ANKRD55: variants seen among roughly 807,000 people sequenced by gnomAD.
The protein encoded by ANKRD55 is ankyrin repeat domain-containing protein 55.
In ANKRD55, 41 loss-of-function variants were observed where a neutral mutation model predicts 60.6. The ratio of observed to expected loss-of-function variants is 0.68; its 90% CI spans 0.53 to 0.88. The LOEUF is 0.88. Among genes scored for constraint, ANKRD55 ranks in the 40% least tolerant of loss-of-function variants. The probability of loss-of-function intolerance (pLI) is 0.00; values close to 1 mark genes in which losing one functional copy is unlikely to be tolerated. For synonymous variants in ANKRD55, 264 were observed against 290.3 expected (o/e 0.91, Z 0.92); for missense variants, 732 against 767.6 (o/e 0.95, Z 0.55).
At position 56,099,986 on chromosome 5, in the gene ANKRD55, A is replaced by ATAT; in HGVS notation, c.*194_*196dup. On this transcript the variant is annotated 3_prime_UTR_variant, in exon 12 of 12. Transcript: ENST00000341048. ...GAAGTCACAGAAATTCACAGACTTA[A>ATAT]TATGCACACCCAAATATTCTAAGTG... The ATAT allele has an allele frequency of 3.1e-6, 2 of 651,802 alleles. No homozygotes were observed. Among genetic ancestry groups the ATAT allele is most frequent in the South Asian group, 2.1e-5 (1 of 47,448 alleles). The allele number at this position is 651,802 out of a possible 1,614,324, so 40.4% of individuals were successfully genotyped here.
chr5:56,171,163 A>G (rs966890436), intron 4 of ANKRD55, among the ~76,000 whole-genome samples: 6 of 152,140 alleles, frequency 3.9e-5, no homozygotes, highest in Non-Finnish European at 2.9e-5. Context: ...TAGTAACCAC[A>G]AGGACAGCAC....
intron 5 of ANKRD55, among the ~76,000 whole-genome samples, chr5:56,168,597 T>G (rs1014051816): frequency 6.6e-6 from 1 of 152,210 alleles, no homozygotes; most frequent in Non-Finnish European, 1.5e-5. Context: ...TAGGTATGTA[T>G]GTAGAGGAAA....
chr5:56,158,615 G>A (rs963130537), intron 6 of ANKRD55, among the ~76,000 whole-genome samples: 14 of 152,160 alleles, frequency 9.2e-5, no homozygotes, highest in African/African-American at 3.1e-4. Flanking sequence ...CAGCAGTTAC[G>A]ATCACTGGGA....
intron 6 of ANKRD55, among the ~76,000 whole-genome samples, chr5:56,150,209 A>G (rs574700288): frequency 1.3e-5 from 2 of 152,272 alleles, no homozygotes; most frequent in East Asian, 1.9e-4. Flanking sequence ...AACCCACAGT[A>G]GTATAAACAG....
intron 7 of ANKRD55, among the ~76,000 whole-genome samples, chr5:56,138,490 A>G (rs1323643653): frequency 6.6e-6 from 1 of 152,172 alleles, no homozygotes; most frequent in Non-Finnish European, 1.5e-5. Context: ...GTGCTCCTTG[A>G]TATTTACCCA....
chr5:56,125,250 G>A (rs1757207361), intron 8 of ANKRD55, among the ~76,000 whole-genome samples: 2 of 151,448 alleles, frequency 1.3e-5, no homozygotes, highest in South Asian at 4.2e-4. Context: ...ATCAACATCT[G>A]CTCTTAGGAA....
intron 2 of ANKRD55, 54 bp downstream of exon 2, chr5:56,232,802 A>G: frequency 6.5e-7 from 1 of 1,545,968 alleles, no homozygotes; most frequent in Non-Finnish European, 8.9e-7. Context: ...GTAAATCCAT[A>G]CCATGAGACT....
At position 56,112,504 on chromosome 5, in the gene ANKRD55, C is replaced by CAA. The variant is rs1187255213; in HGVS notation, c.966-724_966-723dup. Among the ~76,000 whole-genome samples, 3 of 25,694 alleles carry CAA rather than the reference C, an allele frequency of 1.2e-4. 1 individual carries two copies. The highest frequency in any genetic ancestry group is 2.1e-4 in the Non-Finnish European group (3 of 14,052). The allele number at this position is 25,694 out of a possible 152,430, so 16.9% of individuals were successfully genotyped here. A position where few individuals can be genotyped will look rare whatever the true frequency, so the allele number is the denominator to read the frequency against. On this transcript the variant is annotated intron_variant, in intron 9 of 11. Transcript: ENST00000341048. The stretch of plus-strand genomic sequence containing the variant: ...CAACATGGCAGGATCTCATCTCTAG[C>CAA]AAAAAAAAAAAAAAAAAACAACCAA...
chr5:56,204,316 G>A (rs1759451093), intron 2 of ANKRD55, among the ~76,000 whole-genome samples: 1 of 152,136 alleles, frequency 6.6e-6, no homozygotes, highest in Admixed American at 6.5e-5. Context: ...CTGTGCAGAA[G>A]TTCTTTAGTT....
chr5:56,140,857 G>A (rs962857737), intron 7 of ANKRD55, among the ~76,000 whole-genome samples: 12 of 152,234 alleles, frequency 7.9e-5, no homozygotes, highest in Admixed American at 5.9e-4. Flanking sequence ...GAGTTCAGGA[G>A]TTCGAGACCA....
chr5:56,189,771 T>G (rs946657063), intron 2 of ANKRD55, among the ~76,000 whole-genome samples: 1 of 152,236 alleles, frequency 6.6e-6, no homozygotes, highest in Non-Finnish European at 1.5e-5. Context: ...TTGTGAATAA[T>G]GCTGCTGTGA....
In ANKRD55 at chr5:56,133,549, A is replaced by T. The variant is rs1285232073; in HGVS notation, c.613-6443T>A. ...AAGCTCACATGGGACCTTCACCGAG[A>T]TAGACTACAGTCTGGGCCATAAAAC... On this transcript the variant is annotated intron_variant, in intron 7 of 11. Transcript: ENST00000341048. Among the ~76,000 whole-genome samples the T allele has an allele frequency of 1.8e-5, 2 of 112,118 alleles. 1 individual carries two copies. Among genetic ancestry groups the T allele is most frequent in the Admixed American group, 1.8e-4 (2 of 11,354 alleles). The allele number at this position is 112,118 out of a possible 152,430, so 73.6% of individuals were successfully genotyped here.
At position 56,109,038 on chromosome 5, in the gene ANKRD55, AACACACACACAC is replaced by A. The variant is rs60023559; in HGVS notation, c.1630+2068_1630+2079del. Among the ~76,000 whole-genome samples the A allele has an allele frequency of 4.6e-4, 66 of 143,898 alleles. No individual in the cohort carries two copies. In the South Asian group the frequency reaches 6.9e-3, roughly 15 times the overall value. 94.4% of individuals were successfully genotyped at this position (143,898 alleles called of 152,430 possible). ...GGTGACAAGTGAGACTCTGTCTCAAAACACACACACACACACACACACACACACACACACACA... is the reference window on the plus strand; with the variant it reads ...GGTGACAAGTGAGACTCTGTCTCAAAACACACACACACACACACACACACA... On this transcript the variant is annotated intron_variant, in intron 10 of 11. Coordinates refer to ENST00000341048, the MANE Select transcript of ANKRD55 (RefSeq NM_024669.3).
At chr5:56,103,389 A>G (rs762412345) in intron 10 of ANKRD55, among the ~76,000 whole-genome samples, 10 of 152,228 alleles carry the variant, frequency 6.6e-5, no homozygotes, top group South Asian at 2.1e-4. Flanking sequence ...ACATTCATCA[A>G]TGTACTACTG....
intron 2 of ANKRD55, among the ~76,000 whole-genome samples, chr5:56,225,632 A>T (rs1760091752): frequency 6.6e-6 from 1 of 152,238 alleles, no homozygotes; most frequent in Non-Finnish European, 1.5e-5. Flanking sequence ...CAACTTCAGC[A>T]AAGTCTCAGG....
At chr5:56,136,911 A>T (rs1029284122) in intron 7 of ANKRD55, 2 of 407,060 alleles carry the variant, frequency 4.9e-6, no homozygotes, top group African/African-American at 4.1e-5. Context: ...AGACAGAGTG[A>T]ATTCTAAAAT....
chr5:56,215,514 G>A (rs1759782258), intron 2 of ANKRD55, among the ~76,000 whole-genome samples: 1 of 152,226 alleles, frequency 6.6e-6, no homozygotes, highest in African/African-American at 2.4e-5. Context: ...GCAAATCACA[G>A]AGGGAGTCGG....
intron 2 of ANKRD55, among the ~76,000 whole-genome samples, chr5:56,222,968 G>T (rs776789674): frequency 6.6e-6 from 1 of 152,142 alleles, no homozygotes; most frequent in Non-Finnish European, 1.5e-5. Flanking sequence ...ACCTAGGAAG[G>T]CAGGCCAACA....
intron 2 of ANKRD55, among the ~76,000 whole-genome samples, chr5:56,202,992 A>G (rs2111860815): frequency 6.6e-6 from 1 of 152,318 alleles, no homozygotes; most frequent in Middle Eastern, 3.4e-3. Flanking sequence ...ATTCTTAAAA[A>G]TATCTTAATC....
Sources: gnomAD v4.1 joint callset for allele counts (sites outside exome capture counted in the v4.1 genomes callset) on GRCh38, gnomAD v4.1.1 for gene constraint, MANE v1.5 for transcripts, NCBI Gene and HGNC (gene_info 2026-07-23, HGNC 2026-07-21) for gene names.